Variants in FCRLA observed in about 807,000 individuals in gnomAD.
FCRLA encodes the protein Fc receptor like A.
A neutral mutation model predicts 28.4 loss-of-function variants in FCRLA; 26 were observed. That is an observed-to-expected ratio of 0.91 (90% CI 0.67 to 1.27). The LOEUF (loss-of-function observed/expected upper bound fraction) is 1.27, where lower values mean the gene tolerates loss of function less well. FCRLA is among the 50% of genes most tolerant of loss of function. The pLI is 0.00. For missense variants in FCRLA, 422 were observed against 433.1 expected (o/e 0.97, Z 0.23); for synonymous variants, 174 against 168.5 (o/e 1.03, Z -0.25).
Position 161,713,608 on chromosome 1 carries a change from A to G in FCRLA, c.*228A>G. On this transcript the variant is annotated 3_prime_UTR_variant, in exon 5 of 5. Transcript: ENST00000236938. The stretch of plus-strand genomic sequence containing the variant: ...ACAACAGAATTCTGCTGTCTAGATC[A>G]GGAATTTCTATCTGTTATATCGACC... 1 of 459,748 alleles carries G rather than the reference A, an allele frequency of 2.2e-6. No homozygotes were observed. The highest frequency in any genetic ancestry group is 3.8e-6 in the Non-Finnish European group (1 of 260,392). 28.5% of individuals were successfully genotyped at this position (459,748 alleles called of 1,614,324 possible).
rs780434438 is a variant in FCRLA, at chr1:161,713,223, C to A, written c.923C>A (p.Ser308Tyr). The change falls in exon 5 of 5, where the codon TCT (serine) becomes TAT (tyrosine). Residue 308 changes from serine to tyrosine, a missense_variant. Ser to Tyr is a moderately radical substitution (Grantham distance 144). Coordinates refer to ENST00000236938, the MANE Select transcript of FCRLA (RefSeq NM_032738.4). ...TPSSEDPGFS[S>Y]PLGMPDPHLY... ...TCTTCTGAGGATCCAGGCTTTTCTT[C>A]TCCTCTGGGGATGCCAGATCCTCAT... is the stretch of plus-strand genomic sequence containing the variant. 6.2e-7 allele frequency: 1 copy of A among 1,614,262 alleles called. No individual in the cohort carries two copies. Among genetic ancestry groups the A allele is most frequent in the South Asian group, 1.1e-5 (1 of 91,086 alleles).
At chr1:161,708,556 T>G (rs1474487895) in intron 1 of FCRLA, among the ~76,000 whole-genome samples, 3 of 152,242 alleles carry the variant, frequency 2.0e-5, no homozygotes, top group Admixed American at 2.0e-4. Context: ...CAGCCTCTAC[T>G]TTTACCCTCT....
Position 161,711,372 on chromosome 1 carries a change from G to A in FCRLA, c.397G>A (p.Val133Ile). 1 of 1,614,214 alleles carries A rather than the reference G, an allele frequency of 6.2e-7. No individual in the cohort carries two copies. The change falls in exon 3 of 5, where the codon GTA (valine) becomes ATA (isoleucine). Residue 133 changes from valine (V) to isoleucine (I), a missense_variant. Physicochemically the swap from Val to Ile is conservative, Grantham distance 29. This residue lies in a region of FCRLA where 231 missense variants were observed against 214.6 expected (regional missense o/e 1.08). Coordinates refer to ENST00000236938, the MANE Select transcript of FCRLA (RefSeq NM_032738.4). ...TAACAGGGAATTCTCCATCACCGTG[G>A]TACAAAAGGCAGACAGCGGGCACTA... ...GPNREFSITV[V>I]QKADSGHYHC...
At chr1:161,712,501 A>T (rs1163121199) in intron 4 of FCRLA, among the ~76,000 whole-genome samples, 1 of 152,160 alleles carries the variant, frequency 6.6e-6, no homozygotes, top group Non-Finnish European at 1.5e-5. Context: ...CTCTCTGGGC[A>T]TTTATAGGAA....
chr1:161,707,263 C>A lies in FCRLA; in HGVS notation c.-2C>A. The A allele has an allele frequency of 6.2e-7, 1 of 1,614,034 alleles. No individual in the cohort carries two copies. Among genetic ancestry groups the A allele is most frequent in the Non-Finnish European group, 8.5e-7 (1 of 1,179,918 alleles). On this transcript the variant is annotated 5_prime_UTR_variant, in exon 1 of 5. Coordinates refer to ENST00000236938, the MANE Select transcript of FCRLA (RefSeq NM_032738.4). ...GTTGCAGGAGACCTAAACACAGTCACCATGAAGCTGGGCTGTGTCCTCATG... is the reference window on the plus strand; with the variant it reads ...GTTGCAGGAGACCTAAACACAGTCAACATGAAGCTGGGCTGTGTCCTCATG...
chr1:161,711,574 A>C, intron 3 of FCRLA, 100 bp downstream of exon 3: 1 of 1,439,620 alleles, frequency 6.9e-7, no homozygotes, highest in South Asian at 1.4e-5. Flanking sequence ...GATCATCAAC[A>C]GACTATGGAG....
At chr1:161,710,522 C>T (rs1323835078) in intron 1 of FCRLA, 2 of 1,549,616 alleles carry the variant, frequency 1.3e-6, no homozygotes, top group Non-Finnish European at 1.7e-6. Context: ...CATTCTCTCC[C>T]CTCCCTCTTC....
At position 161,712,828 on chromosome 1, in the gene FCRLA, T is replaced by C. The variant is rs545543413; in HGVS notation, c.785-257T>C. On this transcript the variant is annotated intron_variant, in intron 4 of 4. Coordinates refer to ENST00000236938, the MANE Select transcript of FCRLA (RefSeq NM_032738.4). ...CACATTCATGCTTCAGGGAATTAGATTCAGCCTTGATAGAGAAAGAACTGG... is the reference window on the plus strand; with the variant it reads ...CACATTCATGCTTCAGGGAATTAGACTCAGCCTTGATAGAGAAAGAACTGG... Among the ~76,000 whole-genome samples, 318 of 152,302 alleles carry C rather than the reference T, an allele frequency of 2.1e-3. 1 individual carries two copies. The highest frequency in any genetic ancestry group is 6.8e-3 in the Middle Eastern group (2 of 294).
At chr1:161,711,773 A>G in intron 3 of FCRLA, 161 bp from the exon 4 acceptor site, 1 of 931,996 alleles carries the variant, frequency 1.1e-6, no homozygotes, top group Non-Finnish European at 1.6e-6. Context: ...AGTCCTGTCT[A>G]CTTACAGAAA....
rs757317284 is a variant in FCRLA at position 161,711,913 on chromosome 1, TC to T, written c.500-19del. Reference sequence around the variant, plus strand: ...TATATAAGATGGCTGAGCTCTTCTTTCCTGCCTATCTTTTTCCCAGAACTGT... The same window carrying T: ...TATATAAGATGGCTGAGCTCTTCTTTCTGCCTATCTTTTTCCCAGAACTGT... On this transcript the variant is annotated intron_variant, in intron 3 of 4. Coordinates refer to ENST00000236938, the MANE Select transcript of FCRLA (RefSeq NM_032738.4). 1 of 1,591,268 alleles carries T rather than the reference TC, an allele frequency of 6.3e-7. No homozygotes were observed.
At position 161,711,966 on chromosome 1, in the gene FCRLA, C is replaced by A. The variant is rs1188954093; in HGVS notation, c.532C>A (p.Pro178Thr). ...TCCAGCGCCAATTCTCAGAGCTGTA[C>A]CCTCAGCTGAACCCCAAGCAGGAAG... ...LFPAPILRAV[P>T]SAEPQAGSPM... Residue 178 changes from proline (P) to threonine (T), a missense_variant, in exon 4 of 5, where the codon CCC becomes ACC. By Grantham distance (38) the Pro-to-Thr change is conservative. Around this residue, in one of 3 missense-constraint regions of FCRLA, gnomAD observed 231 missense variants for 214.6 expected, o/e 1.08. Coordinates refer to ENST00000236938, the MANE Select transcript of FCRLA (RefSeq NM_032738.4). The A allele has an allele frequency of 6.2e-7, 1 of 1,613,752 alleles. No individual in the cohort carries two copies. Among genetic ancestry groups the A allele is most frequent in the Non-Finnish European group, 8.5e-7 (1 of 1,179,888 alleles).
chr1:161,710,991 G>A, intron 2 of FCRLA, 79 bp downstream of exon 2: 1 of 1,578,668 alleles, frequency 6.3e-7, no homozygotes, highest in South Asian at 1.1e-5. Context: ...AGTGTCCCTA[G>A]GAAATTGGCT....
At chr1:161,709,417 C>G (rs1005469540) in intron 1 of FCRLA, among the ~76,000 whole-genome samples, 1 of 152,168 alleles carries the variant, frequency 6.6e-6, no homozygotes, top group African/African-American at 2.4e-5. Context: ...TAAGCATGAG[C>G]CACCACGCCT....
intron 4 of FCRLA, 92 bp downstream of exon 4, chr1:161,712,310 GT>G: frequency 6.9e-7 from 1 of 1,458,910 alleles, no homozygotes; most frequent in East Asian, 2.3e-5. Flanking sequence ...CTGGGGTTCA[GT>G]GTGAGCAGGT....
At chr1:161,710,591 T>G (rs1053581060) in intron 1 of FCRLA, 169 bp from the exon 2 acceptor site, 2 of 1,434,488 alleles carry the variant, frequency 1.4e-6, no homozygotes, top group Admixed American at 2.0e-5. Context: ...AGGTCAAAAC[T>G]ATCCCCCTGA....
Position 161,713,632 on chromosome 1 carries a change from C to T in FCRLA, c.*252C>T, listed in dbSNP as rs1252036448. ...CAGGAATTTCTATCTGTTATATCGA[C>T]CAGAATGTTGTGATTTAAAGAGAAC... On this transcript the variant is annotated 3_prime_UTR_variant, in exon 5 of 5. Transcript: ENST00000236938. 1.1e-5 allele frequency: 4 copies of T among 379,126 alleles called. No individual in the cohort carries two copies. In the Admixed American group the frequency reaches 1.3e-4, roughly 12 times the overall value. 23.5% of individuals were successfully genotyped at this position (379,126 alleles called of 1,614,324 possible).
In FCRLA at chr1:161,713,203, T is replaced by C; in HGVS notation, c.903T>C (p.Ser301=). 6.2e-7 allele frequency: 1 copy of C among 1,614,230 alleles called. No homozygotes were observed. Among genetic ancestry groups the C allele is most frequent in the Non-Finnish European group, 8.5e-7 (1 of 1,180,040 alleles). Residue 301 remains serine (S), a synonymous_variant, in exon 5 of 5, where the codon TCT becomes TCC. Coordinates refer to ENST00000236938, the MANE Select transcript of FCRLA (RefSeq NM_032738.4). ...GPLPPPPTPS[S]EDPGFSSPLG... ...TGCCTCCGCCGCCAACCCCATCTTCTGAGGATCCAGGCTTTTCTTCTCCTC... is the reference window on the plus strand; with the variant it reads ...TGCCTCCGCCGCCAACCCCATCTTCCGAGGATCCAGGCTTTTCTTCTCCTC...
chr1:161,707,256 A>T lies in FCRLA; in HGVS notation c.-9A>T. ...TGTTGGGGTTGCAGGAGACCTAAAC[A>T]CAGTCACCATGAAGCTGGGCTGTGT... On this transcript the variant is annotated 5_prime_UTR_variant, in exon 1 of 5. Transcript: ENST00000236938. The T allele has an allele frequency of 1.2e-6, 2 of 1,614,132 alleles. No individual in the cohort carries two copies. Among genetic ancestry groups the T allele is most frequent in the South Asian group, 1.1e-5 (1 of 91,086 alleles).
In FCRLA at chr1:161,707,329, C is replaced by A; in HGVS notation, c.65C>A (p.Ala22Asp). The A allele has an allele frequency of 6.3e-7, 1 of 1,599,724 alleles. No homozygotes were observed. The highest frequency in any genetic ancestry group is 8.5e-7 in the Non-Finnish European group (1 of 1,175,006). ...CTTTCCCTTGGTGTGCTCTGGGTGG[C>A]CCAGATGCTACTGGGTAAGTAAAAT... ...LYLSLGVLWV[A>D]QMLLAASFET... Residue 22 changes from alanine to aspartate, a missense_variant, in exon 1 of 5, where the codon GCC becomes GAC. Around this residue, in one of 3 missense-constraint regions of FCRLA, gnomAD observed 231 missense variants for 214.6 expected, o/e 1.08. Transcript: ENST00000236938.
Sources: gnomAD v4.1 joint callset for allele counts (sites outside exome capture counted in the v4.1 genomes callset) on GRCh38, gnomAD v4.1.1 for gene constraint, gnomAD v4.1.1 regional missense constraint, MANE v1.5 for transcripts, NCBI Gene and HGNC (gene_info 2026-07-23, HGNC 2026-07-21) for gene names.